SNX24: variants seen among roughly 807,000 people sequenced by gnomAD.
SNX24 encodes the protein sorting nexin-24.
SNX24 carries 22 observed loss-of-function variants against 28.7 expected under a neutral mutation model. That is an observed-to-expected ratio of 0.77 (90% CI 0.55 to 1.10). SNX24 has a LOEUF of 1.10. Ranked by LOEUF, SNX24 falls within the 50% of genes least tolerant of loss-of-function variation. The pLI, the probability that SNX24 is intolerant of heterozygous loss-of-function variation, is 0.00. For missense variants in SNX24, 221 were observed against 201.1 expected, an observed-to-expected ratio of 1.10 and a Z score of -0.60; for synonymous variants, 69 against 71.5, an observed-to-expected ratio of 0.96 and a Z score of 0.18.
At chr5:122,858,538 A>G (rs775765079) in intron 1 of SNX24, among the ~76,000 whole-genome samples, 1 of 152,220 alleles carries the variant, frequency 6.6e-6, no homozygotes, top group Non-Finnish European at 1.5e-5. Context: ...AATTTCTAGC[A>G]GTGGTTACTG....
At chr5:122,900,839 T>A (rs27617) in intron 1 of SNX24, among the ~76,000 whole-genome samples, 119,532 of 152,174 alleles carry the variant, frequency 0.79, 47,911 homozygotes, top group East Asian at 0.99. Flanking sequence ...TAAGAGCCAA[T>A]AATTTATTCA....
chr5:122,937,942 C>T (rs3776186), intron 2 of SNX24, among the ~76,000 whole-genome samples: 5,883 of 152,226 alleles, frequency 0.039, 179 homozygotes, highest in East Asian at 0.1. Flanking sequence ...GAGGTTTCTT[C>T]TGGGTACCTG....
At chr5:122,962,560 A>G (rs1760528257) in intron 3 of SNX24, among the ~76,000 whole-genome samples, 1 of 152,240 alleles carries the variant, frequency 6.6e-6, no homozygotes, top group Non-Finnish European at 1.5e-5. Flanking sequence ...CAGATAATGC[A>G]TTCTTGCACA....
intron 1 of SNX24, among the ~76,000 whole-genome samples, chr5:122,933,010 TTTATC>T (rs1306064978): frequency 6.6e-6 from 1 of 152,144 alleles, no homozygotes; most frequent in African/African-American, 2.4e-5. Flanking sequence ...TTTTTGGTAA[TTTATC>T]TTTTGTTAAT....
At chr5:122,897,655 T>C (rs1051954038) in intron 1 of SNX24, among the ~76,000 whole-genome samples, 7 of 152,338 alleles carry the variant, frequency 4.6e-5, no homozygotes, top group Non-Finnish European at 8.8e-5. Context: ...AATATGTGTG[T>C]GTGCACACAG....
chr5:122,938,219 C>T (rs1759265637), intron 2 of SNX24, among the ~76,000 whole-genome samples: 1 of 152,176 alleles, frequency 6.6e-6, no homozygotes, highest in Admixed American at 6.5e-5. Context: ...GAGGCTTGTT[C>T]ACCCTGTTCT....
intron 3 of SNX24, among the ~76,000 whole-genome samples, chr5:122,962,511 A>G (rs996519944): frequency 2.6e-5 from 4 of 152,190 alleles, no homozygotes; most frequent in African/African-American, 9.7e-5. Context: ...AAAACAGTAC[A>G]CTCTCTTTTC....
chr5:122,936,236 T>C (rs1012164467), intron 1 of SNX24, among the ~76,000 whole-genome samples: 16 of 152,178 alleles, frequency 1.1e-4, no homozygotes, highest in African/African-American at 3.9e-4. Context: ...CAGCTGAGAC[T>C]AGAGATGAAT....
chr5:122,858,985 C>G (rs1755330834), intron 1 of SNX24, among the ~76,000 whole-genome samples: 2 of 152,134 alleles, frequency 1.3e-5, no homozygotes, highest in African/African-American at 4.8e-5. Flanking sequence ...TGGACTTAAG[C>G]TATCCACCTG....
At chr5:122,964,247 CAAAAAAAAAAA>C (rs34174497) in intron 3 of SNX24, among the ~76,000 whole-genome samples, 20 of 36,586 alleles carry the variant, frequency 5.5e-4, no homozygotes, top group South Asian at 4.5e-3. Context: ...GACTCCATCT[CAAAAAAAAAAA>C]AAAAAAAAAA....
intron 1 of SNX24, among the ~76,000 whole-genome samples, chr5:122,849,073 T>G (rs1217354484): frequency 6.6e-6 from 1 of 152,186 alleles, no homozygotes; most frequent in East Asian, 1.9e-4. Flanking sequence ...AGGAAATCCT[T>G]GGACATGATT....
intron 3 of SNX24, among the ~76,000 whole-genome samples, chr5:122,967,719 G>A (rs759523003): frequency 5.9e-5 from 9 of 152,288 alleles, no homozygotes; most frequent in African/African-American, 1.7e-4. Context: ...AGCCCACTGC[G>A]ATTTGTGGGG....
intron 3 of SNX24, among the ~76,000 whole-genome samples, chr5:122,964,580 C>T (rs1760637310): frequency 6.6e-6 from 1 of 152,002 alleles, no homozygotes; most frequent in South Asian, 2.1e-4. Flanking sequence ...AAAAATGTAC[C>T]ATATGCATTT....
At chr5:123,002,236 T>G in intron 6 of SNX24, 1 of 554,374 alleles carries the variant, frequency 1.8e-6, no homozygotes, top group Non-Finnish European at 3.2e-6. Context: ...ATTAGAGTAA[T>G]AAGGAAGAAT....
intron 1 of SNX24, among the ~76,000 whole-genome samples, chr5:122,901,076 C>T (rs2150079537): frequency 6.6e-6 from 1 of 151,958 alleles, no homozygotes. Flanking sequence ...TGGTGCACGC[C>T]TGTAATCCCA....
At chr5:122,893,850 C>T (rs894848681) in intron 1 of SNX24, among the ~76,000 whole-genome samples, 7 of 152,210 alleles carry the variant, frequency 4.6e-5, no homozygotes, top group African/African-American at 1.7e-4. Flanking sequence ...CGAGACCAGC[C>T]TGGCCAAAAA....
At chr5:122,981,493 A>T (rs1160709156) in intron 3 of SNX24, among the ~76,000 whole-genome samples, 1 of 152,216 alleles carries the variant, frequency 6.6e-6, no homozygotes, top group Admixed American at 6.5e-5. Flanking sequence ...CCATTAAATC[A>T]TTTTTAGGAA....
At chr5:122,891,153 T>A in intron 1 of SNX24, 1 of 1,437,398 alleles carries the variant, frequency 7.0e-7, no homozygotes, top group Non-Finnish European at 9.2e-7. Flanking sequence ...AAACTTTACC[T>A]AGTGTTTTTT....
At chr5:122,886,298 G>A (rs973417841) in intron 1 of SNX24, among the ~76,000 whole-genome samples, 1 of 152,092 alleles carries the variant, frequency 6.6e-6, no homozygotes, top group African/African-American at 2.4e-5. Flanking sequence ...TTTTAATAAA[G>A]TTGTCTATTT....
Sources: allele counts gnomAD v4.1 joint callset (sites outside exome capture counted in the v4.1 genomes callset), GRCh38; gene constraint gnomAD v4.1.1; transcripts MANE v1.5; gene names NCBI Gene and HGNC (gene_info 2026-07-23, HGNC 2026-07-21).